TDRD5: variants seen among roughly 807,000 people sequenced by gnomAD.
TDRD5 encodes tudor domain containing 5, also known as tudor domain-containing protein 5.
A neutral mutation model predicts 120.6 loss-of-function variants in TDRD5; 41 were observed. The ratio of observed to expected loss-of-function variants is 0.34; its 90% CI spans 0.26 to 0.44. The LOEUF (loss-of-function observed/expected upper bound fraction) is 0.44. Ranked by LOEUF, TDRD5 falls within the 20% of genes least tolerant of loss-of-function variation. The pLI is 1.00. For synonymous variants in TDRD5, 430 were observed against 433.7 expected, an observed-to-expected ratio of 0.99 and a Z score of 0.11; for missense variants, 1,006 against 1,221.2, an observed-to-expected ratio of 0.82 and a Z score of 2.63.
chr1:179,608,360 C>A (rs1676100810), intron 4 of TDRD5, among the ~76,000 whole-genome samples: 1 of 151,866 alleles, frequency 6.6e-6, no homozygotes, highest in Admixed American at 6.6e-5. Context: ...GAAATTTTGT[C>A]TTCAAATATT....
chr1:179,641,843 A>G (rs1678066428), intron 11 of TDRD5, among the ~76,000 whole-genome samples: 1 of 152,182 alleles, frequency 6.6e-6, no homozygotes, highest in Non-Finnish European at 1.5e-5. Flanking sequence ...TTATTGTTTG[A>G]CATTCAAACT....
At chr1:179,608,071 G>A (rs1676073835) in intron 4 of TDRD5, among the ~76,000 whole-genome samples, 2 of 151,936 alleles carry the variant, frequency 1.3e-5, no homozygotes, top group African/African-American at 2.4e-5. Flanking sequence ...TCTATCTGGT[G>A]TGATAGTTTT....
intron 6 of TDRD5, among the ~76,000 whole-genome samples, chr1:179,628,306 TTTC>T: frequency 9.6e-6 from 1 of 104,704 alleles, no homozygotes; most frequent in Admixed American, 1.1e-4. Flanking sequence ...AATTTATTTA[TTTC>T]TTTTCTTTTC....
intron 4 of TDRD5, among the ~76,000 whole-genome samples, chr1:179,600,494 T>G (rs1419740287): frequency 2.0e-5 from 3 of 152,200 alleles, no homozygotes; most frequent in Admixed American, 6.5e-5. Context: ...TTACGTACAT[T>G]CTATGTTTGT....
chr1:179,634,476 A>G lies in TDRD5; in HGVS notation c.1146A>G (p.Ile382Met), dbSNP rs2102010860. ...PLPPVQSDKK[I>M]EAKACVSSPP... is the part of the protein sequence containing the mutation. Reference sequence around the variant, plus strand: ...GTTTAGTTCAGTCAGATAAGAAAATAGAAGCCAAAGCTTGTGTCTCCAGTC... The same window carrying G: ...GTTTAGTTCAGTCAGATAAGAAAATGGAAGCCAAAGCTTGTGTCTCCAGTC... The change falls in exon 8 of 18, where the codon ATA (isoleucine) becomes ATG (methionine). Residue 382 changes from isoleucine (I) to methionine (M), a missense_variant. By Grantham distance (10) the Ile-to-Met change is conservative (BLOSUM62 1). This residue lies in a region of TDRD5 where 445 missense variants were observed against 515.5 expected (regional missense o/e 0.86). Coordinates refer to ENST00000444136, the MANE Select transcript of TDRD5 (RefSeq NM_001199085.3). 1.3e-6 allele frequency: 2 copies of G among 1,596,920 alleles called. No individual in the cohort carries two copies. The highest frequency in any genetic ancestry group is 1.1e-5 in the South Asian group (1 of 87,244).
chr1:179,669,512 T>C, intron 17 of TDRD5, 108 bp downstream of exon 17: 2 of 1,180,200 alleles, frequency 1.7e-6, no homozygotes, highest in Non-Finnish European at 2.4e-6. Flanking sequence ...CTTGAAACAT[T>C]ACTGACGTTA....
At chr1:179,626,203 T>TA (rs1160588552) in intron 6 of TDRD5, among the ~76,000 whole-genome samples, 25 of 150,106 alleles carry the variant, frequency 1.7e-4, no homozygotes, top group African/African-American at 5.8e-4. Context: ...CCCTAAAACT[T>TA]AAAGTATAAT....
chr1:179,690,917 C>T lies in TDRD5; in HGVS notation c.3082C>T (p.Pro1028Ser). Residue 1028 changes from proline (P) to serine (S), a missense_variant, in exon 18 of 18, where the codon CCC becomes TCC. Pro to Ser is a moderately conservative substitution (Grantham distance 74). This residue lies in a region of TDRD5 where 403 missense variants were observed against 448.1 expected (regional missense o/e 0.90). Transcript: ENST00000444136. ...ATCCAGGAGCCTCCTACACTGGTAC[C>T]CCAGTGTGAAAAGGATGGAAGCATG... ...ATSRSLLHWY[P>S]SVKRMEA is the part of the protein sequence containing the mutation. 1.2e-6 allele frequency: 2 copies of T among 1,613,354 alleles called. No individual in the cohort carries two copies. The highest frequency in any genetic ancestry group is 1.7e-6 in the Non-Finnish European group (2 of 1,179,788).
At chr1:179,621,987 CAT>C (rs1191559165) in intron 6 of TDRD5, among the ~76,000 whole-genome samples, 1 of 152,110 alleles carries the variant, frequency 6.6e-6, no homozygotes, top group African/African-American at 2.4e-5. Context: ...TAGGTAAAAA[CAT>C]AGATATTGTG....
intron 9 of TDRD5, among the ~76,000 whole-genome samples, chr1:179,637,968 G>C (rs1288553660): frequency 6.6e-6 from 1 of 152,118 alleles, no homozygotes; most frequent in Non-Finnish European, 1.5e-5. Flanking sequence ...GTTATGAGTG[G>C]GTATAATCAG....
chr1:179,663,428 A>G lies in TDRD5; in HGVS notation c.2586A>G (p.Glu862=), dbSNP rs770497732. Residue 862 remains glutamate (E), a synonymous_variant, in exon 16 of 18, where the codon GAA becomes GAG. Transcript: ENST00000444136. ...GCCTTGTAAATGGAACGAAAGTAGAAGTTCATAAGCCAGAAGTACTGGGTG... is the reference window on the plus strand; with the variant it reads ...GCCTTGTAAATGGAACGAAAGTAGAGGTTCATAAGCCAGAAGTACTGGGTG... The part of the protein sequence containing the change: ...PSGLVNGTKV[E]VHKPEVLGAQ... 1.9e-6 allele frequency: 3 copies of G among 1,613,710 alleles called. No homozygotes were observed. The Admixed American group carries it at 5.0e-5, about 27-fold the overall frequency.
intron 17 of TDRD5, among the ~76,000 whole-genome samples, chr1:179,677,844 G>A (rs1336891466): frequency 6.6e-6 from 1 of 152,120 alleles, no homozygotes; most frequent in Non-Finnish European, 1.5e-5. Context: ...CCAGCCAGGA[G>A]GTGGTGCTTT....
chr1:179,608,023 ATT>A (rs1232516888), intron 4 of TDRD5, among the ~76,000 whole-genome samples: 2 of 151,766 alleles, frequency 1.3e-5, no homozygotes, highest in African/African-American at 4.8e-5. Flanking sequence ...TCTATTTGTC[ATT>A]TTCATTTTGA....
chr1:179,677,014 C>A (rs1431933324), intron 17 of TDRD5, among the ~76,000 whole-genome samples: 2 of 152,142 alleles, frequency 1.3e-5, no homozygotes, highest in Non-Finnish European at 2.9e-5. Flanking sequence ...TTAACCTAGT[C>A]CCAAACTTCT....
At chr1:179,634,118 C>A (rs1345629193) in intron 7 of TDRD5, among the ~76,000 whole-genome samples, 1 of 151,388 alleles carries the variant, frequency 6.6e-6, no homozygotes, top group Non-Finnish European at 1.5e-5. Context: ...TTGCAGTGAG[C>A]CGAGATCGCA....
chr1:179,595,848 A>G (rs760048911), intron 4 of TDRD5, 30 bp downstream of exon 4: 2 of 1,559,730 alleles, frequency 1.3e-6, no homozygotes, highest in Admixed American at 3.9e-5. Flanking sequence ...AGATATAAAT[A>G]TACGATGTTT....
At chr1:179,596,180 CT>C (rs1319102013) in intron 4 of TDRD5, among the ~76,000 whole-genome samples, 1 of 152,166 alleles carries the variant, frequency 6.6e-6, no homozygotes, top group Non-Finnish European at 1.5e-5. Context: ...TTTTCTGTGA[CT>C]GTAATGCTGA....
intron 17 of TDRD5, among the ~76,000 whole-genome samples, chr1:179,675,760 C>T (rs1009093191): frequency 2.4e-4 from 37 of 152,158 alleles, no homozygotes; most frequent in Non-Finnish European, 5.1e-4. Flanking sequence ...CTTAAATTTA[C>T]TGAGGCTTGT....
At chr1:179,598,452 T>TG (rs1336281306) in intron 4 of TDRD5, among the ~76,000 whole-genome samples, 2 of 152,172 alleles carry the variant, frequency 1.3e-5, no homozygotes, top group Non-Finnish European at 2.9e-5. Context: ...TAGATATGTT[T>TG]GGGGGGAAAA....
Sources: allele counts gnomAD v4.1 joint callset (sites outside exome capture counted in the v4.1 genomes callset), GRCh38; gene constraint gnomAD v4.1.1; regional missense constraint gnomAD v4.1.1; transcripts MANE v1.5; gene names NCBI Gene and HGNC (gene_info 2026-07-23, HGNC 2026-07-21).